The following RHBDD1 variants were observed in gnomAD, a reference collection of about 807,000 sequenced individuals.
RHBDD1 encodes the protein rhomboid domain containing 1.
Under a neutral mutation model 36.3 loss-of-function variants are expected in RHBDD1, and 38 were observed. The ratio of observed to expected loss-of-function variants is 1.05; its 90% CI spans 0.81 to 1.37. RHBDD1 has a LOEUF of 1.37. Among genes scored for constraint, RHBDD1 ranks in the 40% most tolerant of loss-of-function variants. The pLI, the probability that RHBDD1 is intolerant of heterozygous loss-of-function variation, is 0.00. For synonymous variants in RHBDD1, 151 were observed against 136.5 expected (o/e 1.11, Z -0.74); for missense variants, 393 against 377.6 (o/e 1.04, Z -0.34).
At chr2:226,868,016 C>T (rs1944482729) in intron 5 of RHBDD1, among the ~76,000 whole-genome samples, 1 of 152,186 alleles carries the variant, frequency 6.6e-6, no homozygotes, top group African/African-American at 2.4e-5. Flanking sequence ...CGCACCCGGC[C>T]GATCTAATGC....
At chr2:226,984,190 A>T (rs1956423647) in intron 8 of RHBDD1, among the ~76,000 whole-genome samples, 1 of 152,268 alleles carries the variant, frequency 6.6e-6, no homozygotes, top group Non-Finnish European at 1.5e-5. Flanking sequence ...CTGAACTACC[A>T]GTTGCCAAGC....
At chr2:226,825,621 A>C in the RHBDD1 span, among the ~76,000 whole-genome samples, 1 of 152,242 alleles carries the variant, frequency 6.6e-6, no homozygotes, top group Non-Finnish European at 1.5e-5. Flanking sequence ...GATAGTTTAG[A>C]TAGTTAATAA....
intron 8 of RHBDD1, among the ~76,000 whole-genome samples, chr2:226,985,776 G>A (rs1374858906): frequency 1.3e-5 from 2 of 152,226 alleles, no homozygotes; most frequent in Admixed American, 1.3e-4. Context: ...GAGGGGTGCA[G>A]AACCCAGCAA....
intron 8 of RHBDD1, among the ~76,000 whole-genome samples, chr2:226,948,294 A>G (rs2149201554): frequency 6.7e-6 from 1 of 149,738 alleles, no homozygotes; most frequent in Non-Finnish European, 1.5e-5. Flanking sequence ...GGAAATCATC[A>G]TTCTCAGTAA....
At chr2:226,844,456 C>T (rs1477069501) in intron 3 of RHBDD1, among the ~76,000 whole-genome samples, 1 of 152,212 alleles carries the variant, frequency 6.6e-6, no homozygotes, top group Non-Finnish European at 1.5e-5. Flanking sequence ...ATATTTGAAG[C>T]ATGGCATGCT....
upstream of RHBDD1, among the ~76,000 whole-genome samples, chr2:226,834,826 G>A (rs188316311): frequency 2.1e-3 from 315 of 152,192 alleles, 4 homozygotes; most frequent in African/African-American, 7.3e-3. Context: ...CTGTCGCCCA[G>A]GCTGGAGTGC....
intron 5 of RHBDD1, among the ~76,000 whole-genome samples, chr2:226,900,132 T>C (rs1335846472): frequency 6.6e-6 from 1 of 152,234 alleles, no homozygotes; most frequent in African/African-American, 2.4e-5. Context: ...ACGCACTTTG[T>C]GTATACACAG....
chr2:226,811,799 G>A, the RHBDD1 span, among the ~76,000 whole-genome samples: 6 of 152,338 alleles, frequency 3.9e-5, no homozygotes, highest in East Asian at 1.2e-3. Context: ...TAAGTCACCA[G>A]TGCAAAATGT....
At chr2:226,802,651 A>T in the RHBDD1 span, among the ~76,000 whole-genome samples, 1 of 152,250 alleles carries the variant, frequency 6.6e-6, no homozygotes, top group Non-Finnish European at 1.5e-5. Context: ...CTGAAAATTC[A>T]CGGAACAGAA....
In RHBDD1 at chr2:226,890,984, T is replaced by C. The variant is rs950212054; in HGVS notation, c.567-15809T>C. 2.0e-5 allele frequency among the ~76,000 whole-genome samples: 3 copies of C among 152,182 alleles called. No homozygotes were observed. In the South Asian group the frequency reaches 6.2e-4, roughly 31 times the overall value. ...GGATTCTGTTTCTCCCTCCTGGCTC[T>C]ATCTCACTAACCACCCACCCCCAAC... On this transcript the variant is annotated intron_variant, in intron 5 of 8. Transcript: ENST00000392062.
At chr2:226,857,959 T>C (rs1389899031) in intron 3 of RHBDD1, among the ~76,000 whole-genome samples, 2 of 152,168 alleles carry the variant, frequency 1.3e-5, no homozygotes, top group African/African-American at 4.8e-5. Context: ...GAATGCTAAA[T>C]CCCATTTATA....
At chr2:226,948,581 A>AAT (rs1559302884) in intron 8 of RHBDD1, among the ~76,000 whole-genome samples, 12 of 124,210 alleles carry the variant, frequency 9.7e-5, no homozygotes, top group African/African-American at 3.8e-4. Flanking sequence ...AAAAAAAAAA[A>AAT]AAAACGAAAA....
At chr2:226,933,158 T>C (rs895835754) in intron 8 of RHBDD1, among the ~76,000 whole-genome samples, 9 of 152,060 alleles carry the variant, frequency 5.9e-5, no homozygotes, top group African/African-American at 2.2e-4. Context: ...TGTGATCTAA[T>C]TACCACCGTG....
At chr2:226,847,477 A>G (rs536571922) in intron 3 of RHBDD1, among the ~76,000 whole-genome samples, 2 of 152,356 alleles carry the variant, frequency 1.3e-5, no homozygotes, top group Admixed American at 1.3e-4. Context: ...TCCAAAAAGT[A>G]TCTGCTTTAG....
At position 226,913,584 on chromosome 2, in the gene RHBDD1, T is replaced by G. The variant is rs563844095; in HGVS notation, c.713-624T>G. On this transcript the variant is annotated intron_variant, in intron 7 of 8. Transcript: ENST00000392062. Reference sequence around the variant, plus strand: ...GGTACCTAAAGCATTATTTAATGACTAGGTTATCTCTTCTCTCTTGTTTTA... The same window carrying G: ...GGTACCTAAAGCATTATTTAATGACGAGGTTATCTCTTCTCTCTTGTTTTA... Among the ~76,000 whole-genome samples, 37 of 152,210 alleles carry G rather than the reference T, an allele frequency of 2.4e-4. 1 individual carries two copies. Among genetic ancestry groups the G allele is most frequent in the Non-Finnish European group, 5.1e-4 (35 of 68,048 alleles).
chr2:226,814,342 G>A, the RHBDD1 span, among the ~76,000 whole-genome samples: 1 of 152,048 alleles, frequency 6.6e-6, no homozygotes, highest in Admixed American at 6.6e-5. Context: ...TATCACACTT[G>A]GGATATAGCA....
chr2:226,898,410 A>T (rs975312992), intron 5 of RHBDD1, among the ~76,000 whole-genome samples: 3 of 152,198 alleles, frequency 2.0e-5, no homozygotes, highest in African/African-American at 7.2e-5. Context: ...GTCAGCTTCT[A>T]TCCCCGTGTC....
intron 8 of RHBDD1, among the ~76,000 whole-genome samples, chr2:226,991,860 C>T (rs1958292469): frequency 6.6e-6 from 1 of 152,168 alleles, no homozygotes; most frequent in Admixed American, 6.5e-5. Context: ...ACGTATGAGT[C>T]AACTGGACAC....
intron 8 of RHBDD1, among the ~76,000 whole-genome samples, chr2:226,934,790 A>G (rs369277592): frequency 1.3e-5 from 2 of 152,210 alleles, no homozygotes; most frequent in East Asian, 1.9e-4. Context: ...CCAACTAGGA[A>G]CATTAGCTCC....
Sources: allele counts gnomAD v4.1 joint callset (sites outside exome capture counted in the v4.1 genomes callset), GRCh38; gene constraint gnomAD v4.1.1; transcripts MANE v1.5; gene names NCBI Gene and HGNC (gene_info 2026-07-23, HGNC 2026-07-21).